The following THEMIS variants were observed in gnomAD, a reference collection of about 807,000 sequenced individuals.
THEMIS encodes the protein protein THEMIS.
Under a neutral mutation model 52.6 loss-of-function variants are expected in THEMIS, and 37 were observed. The ratio of observed to expected loss-of-function variants is 0.70; its 90% CI spans 0.54 to 0.93. The LOEUF (loss-of-function observed/expected upper bound fraction) is 0.93. THEMIS is among the 40% of genes least tolerant of loss of function. The pLI is 0.00. For synonymous variants in THEMIS, 292 were observed against 272.7 expected (o/e 1.07, Z -0.70); for missense variants, 808 against 763.1 (o/e 1.06, Z -0.69).
intron 4 of THEMIS, among the ~76,000 whole-genome samples, chr6:127,806,139 T>G (rs1777700954): frequency 6.6e-6 from 1 of 152,186 alleles, no homozygotes; most frequent in Non-Finnish European, 1.5e-5. Flanking sequence ...CTGATCATTT[T>G]TCTGTTATTG....
chr6:127,799,815 T>G (rs1777471689), intron 4 of THEMIS, among the ~76,000 whole-genome samples: 1 of 152,130 alleles, frequency 6.6e-6, no homozygotes, highest in Non-Finnish European at 1.5e-5. Flanking sequence ...CTACCATCCT[T>G]TACCCATACC....
intron 1 of THEMIS, 143 bp downstream of exon 1, chr6:127,900,699 G>T: frequency 1.5e-6 from 1 of 689,510 alleles, no homozygotes; most frequent in Non-Finnish European, 2.5e-6. Flanking sequence ...ACGATTCGTT[G>T]GTCAGTTCAT....
chr6:127,759,070 G>T (rs919546056), intron 4 of THEMIS, among the ~76,000 whole-genome samples: 3 of 152,048 alleles, frequency 2.0e-5, no homozygotes, highest in Admixed American at 1.3e-4. Flanking sequence ...ACAGAAATTG[G>T]TTGTGTTTTC....
intron 1 of THEMIS, among the ~76,000 whole-genome samples, chr6:127,917,283 G>T (rs1456480424): frequency 6.6e-6 from 1 of 152,192 alleles, no homozygotes; most frequent in Non-Finnish European, 1.5e-5. Context: ...TACATTTTGG[G>T]TCGGTAGGCA....
At chr6:127,915,708 T>C (rs1243019452) in intron 1 of THEMIS, among the ~76,000 whole-genome samples, 4 of 151,990 alleles carry the variant, frequency 2.6e-5, no homozygotes, top group African/African-American at 9.7e-5. Context: ...AATGAGCAGC[T>C]GGGTGTGGTG....
At chr6:127,823,670 C>T (rs1261419339) in intron 3 of THEMIS, among the ~76,000 whole-genome samples, 1 of 151,876 alleles carries the variant, frequency 6.6e-6, no homozygotes, top group Non-Finnish European at 1.5e-5. Context: ...ATAAATTATA[C>T]TTATTATCAT....
chr6:127,810,435 T>G (rs1777864089), intron 4 of THEMIS, among the ~76,000 whole-genome samples: 1 of 152,172 alleles, frequency 6.6e-6, no homozygotes, highest in African/African-American at 2.4e-5. Context: ...TGTGTTTTTA[T>G]TATGTGGGCA....
intron 4 of THEMIS, among the ~76,000 whole-genome samples, chr6:127,790,627 C>T (rs1345658611): frequency 2.6e-5 from 4 of 152,174 alleles, no homozygotes; most frequent in African/African-American, 7.2e-5. Context: ...CCTCTGTGGT[C>T]GGTGGTGCCT....
downstream of THEMIS, among the ~76,000 whole-genome samples, chr6:127,706,515 A>G (rs1773801133): frequency 6.6e-6 from 1 of 152,174 alleles, no homozygotes; most frequent in Admixed American, 6.5e-5. Context: ...TGCCAGATAT[A>G]TGCCAGACAC....
chr6:127,828,960 G>A (rs1305135315), intron 3 of THEMIS, among the ~76,000 whole-genome samples: 6 of 152,214 alleles, frequency 3.9e-5, no homozygotes, highest in African/African-American at 9.6e-5. Flanking sequence ...GAATTAATTT[G>A]TCATATAATT....
chr6:127,791,956 C>T (rs539927262), intron 4 of THEMIS, among the ~76,000 whole-genome samples: 5 of 152,302 alleles, frequency 3.3e-5, no homozygotes, highest in South Asian at 4.1e-4. Context: ...CCTGAAGGGG[C>T]AAGGGTGTTT....
intron 1 of THEMIS, among the ~76,000 whole-genome samples, chr6:127,856,020 C>T (rs532725885): frequency 5.3e-5 from 8 of 152,106 alleles, no homozygotes; most frequent in African/African-American, 1.7e-4. Flanking sequence ...TATTGCTTTA[C>T]AATTCAACAC....
At chr6:127,878,634 G>A (rs1304303886) in intron 1 of THEMIS, among the ~76,000 whole-genome samples, 2 of 151,984 alleles carry the variant, frequency 1.3e-5, no homozygotes, top group Non-Finnish European at 2.9e-5. Flanking sequence ...CTGGTCAGTT[G>A]GGACCAAAAG....
intron 1 of THEMIS, among the ~76,000 whole-genome samples, chr6:127,886,888 G>A (rs1050643954): frequency 2.0e-5 from 3 of 151,880 alleles, no homozygotes; most frequent in African/African-American, 4.8e-5. Context: ...TATGTAGTTC[G>A]AGTTCTTCTA....
intron 1 of THEMIS, among the ~76,000 whole-genome samples, chr6:127,887,962 C>T (rs1430292327): frequency 1.3e-5 from 2 of 151,792 alleles, no homozygotes; most frequent in African/African-American, 2.4e-5. Context: ...AAAATGAAGA[C>T]CGGAATATGG....
At chr6:127,767,814 G>T (rs1776252241) in intron 4 of THEMIS, among the ~76,000 whole-genome samples, 1 of 150,558 alleles carries the variant, frequency 6.6e-6, no homozygotes, top group Admixed American at 6.6e-5. Flanking sequence ...AATGCAGTAG[G>T]TTTATTTAAA....
chr6:127,869,689 T>C (rs994074448), intron 1 of THEMIS, among the ~76,000 whole-genome samples: 1 of 152,132 alleles, frequency 6.6e-6, no homozygotes, highest in Non-Finnish European at 1.5e-5. Context: ...ATGTTCCAGA[T>C]TTGAAGCTGA....
chr6:127,781,631 TC>T (rs1000466142), intron 4 of THEMIS, among the ~76,000 whole-genome samples: 1 of 152,192 alleles, frequency 6.6e-6, no homozygotes, highest in African/African-American at 2.4e-5. Flanking sequence ...TTGTTATTTT[TC>T]CTTCTAACAG....
intron 4 of THEMIS, among the ~76,000 whole-genome samples, chr6:127,763,901 A>C (rs1776106136): frequency 6.6e-6 from 1 of 151,894 alleles, no homozygotes; most frequent in Non-Finnish European, 1.5e-5. Context: ...GTTACTAGGA[A>C]AATTTTAATT....
Sources: gnomAD v4.1 joint callset for allele counts (sites outside exome capture counted in the v4.1 genomes callset) on GRCh38, gnomAD v4.1.1 for gene constraint, MANE v1.5 for transcripts, NCBI Gene and HGNC (gene_info 2026-07-23, HGNC 2026-07-21) for gene names.